The following PHLPP1 variants were observed in gnomAD, a reference collection of about 807,000 sequenced individuals.
PHLPP1 encodes the protein PH domain leucine-rich repeat-containing protein phosphatase 1.
PHLPP1 carries 42 observed loss-of-function variants against 117.2 expected under a neutral mutation model. The ratio of observed to expected loss-of-function variants is 0.36; its 90% CI spans 0.28 to 0.46. The LOEUF (loss-of-function observed/expected upper bound fraction) is 0.46, where lower values mean the gene tolerates loss of function less well. Among genes scored for constraint, PHLPP1 ranks in the 20% least tolerant of loss-of-function variants. The pLI is 1.00. For synonymous variants in PHLPP1, 1,042 were observed against 970.7 expected, an observed-to-expected ratio of 1.07 and a Z score of -1.37; for missense variants, 2,084 against 2,241.9, an observed-to-expected ratio of 0.93 and a Z score of 1.42.
At chr18:62,887,505 AG>A (rs1030744705) in intron 4 of PHLPP1, among the ~76,000 whole-genome samples, 2 of 152,206 alleles carry the variant, frequency 1.3e-5, no homozygotes, top group African/African-American at 4.8e-5. Flanking sequence ...AGGCACCAGC[AG>A]GTTTGGTGTC....
At chr18:62,737,229 A>G (rs757094317) in intron 1 of PHLPP1, among the ~76,000 whole-genome samples, 6 of 152,208 alleles carry the variant, frequency 3.9e-5, no homozygotes, top group South Asian at 2.1e-4. Context: ...GTACTGCAGC[A>G]TGAATGACAG....
At chr18:62,957,913 G>T (rs1298789790) in intron 12 of PHLPP1, among the ~76,000 whole-genome samples, 2 of 152,088 alleles carry the variant, frequency 1.3e-5, no homozygotes, top group Non-Finnish European at 2.9e-5. Flanking sequence ...TCACTGTGTT[G>T]CCCAGGCTGA....
intron 1 of PHLPP1, among the ~76,000 whole-genome samples, chr18:62,827,272 T>C (rs1348190798): frequency 6.6e-6 from 1 of 152,186 alleles, no homozygotes; most frequent in African/African-American, 2.4e-5. Flanking sequence ...CTTAAGCCTG[T>C]AGGGAATTAG....
In PHLPP1 at chr18:62,776,027, T is replaced by C. The variant is rs150974954; in HGVS notation, c.1577-54008T>C. Among the ~76,000 whole-genome samples the C allele has an allele frequency of 7.8e-3, 1,182 of 152,220 alleles. 19 individuals carry two copies. The highest frequency in any genetic ancestry group is 0.027 in the African/African-American group (1,132 of 41,572). ...GAACCAATAAGATAGCCTATCTATGTCTATACATAGGCATAGATATATATC... is the reference window on the plus strand; with the variant it reads ...GAACCAATAAGATAGCCTATCTATGCCTATACATAGGCATAGATATATATC... On this transcript the variant is annotated intron_variant, in intron 1 of 16. Coordinates refer to ENST00000262719, the MANE Select transcript of PHLPP1 (RefSeq NM_194449.4).
intron 6 of PHLPP1, among the ~76,000 whole-genome samples, chr18:62,899,507 G>GCCT (rs142097970): frequency 0.029 from 4,461 of 152,158 alleles, 246 homozygotes; most frequent in African/African-American, 0.1. Context: ...CTTTTCCATA[G>GCCT]CCTCTTTTTT....
chr18:62,867,547 C>A (rs1021542890), intron 4 of PHLPP1, among the ~76,000 whole-genome samples: 2 of 152,154 alleles, frequency 1.3e-5, no homozygotes, highest in African/African-American at 4.8e-5. Flanking sequence ...CACTTGTATA[C>A]TTTTCTTTTT....
chr18:62,957,748 T>C (rs777687430), intron 12 of PHLPP1, among the ~76,000 whole-genome samples: 78 of 151,528 alleles, frequency 5.1e-4, no homozygotes, highest in Non-Finnish European at 9.9e-4. Flanking sequence ...GGAGATTTAC[T>C]CTTGTTGCAC....
intron 10 of PHLPP1, among the ~76,000 whole-genome samples, chr18:62,938,542 A>C (rs1220593475): frequency 6.6e-6 from 1 of 152,240 alleles, no homozygotes; most frequent in African/African-American, 2.4e-5. Context: ...AAATATTTTT[A>C]GTCCAATTGT....
At chr18:62,848,595 C>T (rs909756128) in intron 3 of PHLPP1, among the ~76,000 whole-genome samples, 1 of 150,740 alleles carries the variant, frequency 6.6e-6, no homozygotes, top group African/African-American at 2.4e-5. Context: ...TCCCGAGTAA[C>T]TGGGACCACA....
intron 16 of PHLPP1, among the ~76,000 whole-genome samples, chr18:62,976,995 G>A (rs1024972195): frequency 1.1e-4 from 16 of 152,106 alleles, no homozygotes; most frequent in Non-Finnish European, 2.4e-4. Flanking sequence ...CAAAACCATT[G>A]GTTTTGATAG....
chr18:62,717,382 T>TA (rs2122040625), intron 1 of PHLPP1, 123 bp downstream of exon 1: 2 of 1,300,718 alleles, frequency 1.5e-6, no homozygotes, highest in East Asian at 5.0e-5. Flanking sequence ...GTCTTTGTCT[T>TA]AAACTTTACA....
chr18:62,938,203 A>G lies in PHLPP1; in HGVS notation c.2961-3515A>G, dbSNP rs118030526. Among the ~76,000 whole-genome samples the G allele has an allele frequency of 1.9e-4, 29 of 152,330 alleles. 1 individual carries two copies. In the East Asian group the frequency reaches 5.4e-3, roughly 28 times the overall value. On this transcript the variant is annotated intron_variant, in intron 10 of 16. Transcript: ENST00000262719. ...CATTAAACCATCTTTTTTATAGTAT[A>G]CTTATTACAAAATTCTGTAAGGAAG...
intron 1 of PHLPP1, among the ~76,000 whole-genome samples, chr18:62,766,296 C>T (rs1436706235): frequency 5.3e-5 from 8 of 150,550 alleles, no homozygotes; most frequent in Non-Finnish European, 1.0e-4. Flanking sequence ...TTTCTTTCTT[C>T]TGGTTTCGTG....
At chr18:62,931,186 G>A (rs1296983742) in intron 10 of PHLPP1, among the ~76,000 whole-genome samples, 2 of 108,592 alleles carry the variant, frequency 1.8e-5, no homozygotes, top group Non-Finnish European at 4.1e-5. Context: ...GACAGAGAGA[G>A]ACTCCATCTA....
At chr18:62,804,038 A>G (rs978639061) in intron 1 of PHLPP1, among the ~76,000 whole-genome samples, 2 of 152,170 alleles carry the variant, frequency 1.3e-5, no homozygotes, top group African/African-American at 2.4e-5. Context: ...GAAATATATA[A>G]AGGGAAAGAT....
intron 1 of PHLPP1, among the ~76,000 whole-genome samples, chr18:62,824,693 AT>A (rs944330220): frequency 6.6e-6 from 1 of 152,186 alleles, no homozygotes; most frequent in African/African-American, 2.4e-5. Flanking sequence ...CATAGAAAGC[AT>A]TTTGCAAAAA....
chr18:62,890,668 C>T (rs1599104829), intron 4 of PHLPP1, among the ~76,000 whole-genome samples: 1 of 152,162 alleles, frequency 6.6e-6, no homozygotes, highest in South Asian at 2.1e-4. Context: ...TTTGTTTGCA[C>T]AAATGAATTA....
intron 4 of PHLPP1, among the ~76,000 whole-genome samples, chr18:62,891,696 C>A (rs1916412374): frequency 6.7e-6 from 1 of 149,980 alleles, no homozygotes; most frequent in South Asian, 2.1e-4. Flanking sequence ...TCAGGACCAG[C>A]CTGGGCAAAA....
At chr18:62,919,372 C>G (rs755116202) in intron 9 of PHLPP1, among the ~76,000 whole-genome samples, 1 of 152,126 alleles carries the variant, frequency 6.6e-6, no homozygotes, top group Non-Finnish European at 1.5e-5. Flanking sequence ...GCTGCTCTTT[C>G]GGGAGACAGT....
Sources: gnomAD v4.1 joint callset for allele counts (sites outside exome capture counted in the v4.1 genomes callset) on GRCh38, gnomAD v4.1.1 for gene constraint, MANE v1.5 for transcripts, NCBI Gene and HGNC (gene_info 2026-07-23, HGNC 2026-07-21) for gene names.